MAGI2: variants seen among roughly 807,000 people sequenced by gnomAD.
MAGI2 encodes the protein membrane-associated guanylate kinase, WW and PDZ domain-containing protein 2.
In MAGI2, 35 loss-of-function variants were observed where a neutral mutation model predicts 133.3. That is an observed-to-expected ratio of 0.26 (90% CI 0.20 to 0.35). The LOEUF is 0.35. Among genes scored for constraint, MAGI2 ranks in the 10% least tolerant of loss-of-function variants. The pLI is 1.00. For synonymous variants in MAGI2, 729 were observed against 710.6 expected, an observed-to-expected ratio of 1.03 and a Z score of -0.41; for missense variants, 1,636 against 1,863.4, an observed-to-expected ratio of 0.88 and a Z score of 2.25.
At chr7:78,350,371 A>G (rs1473324906) in intron 7 of MAGI2, 10 of 152,226 alleles carry the variant, frequency 6.6e-5, no homozygotes, top group Non-Finnish European at 1.3e-4. Context: ...GGGCTACCCT[A>G]AATCAACTGA....
At chr7:78,109,022 G>A (rs1323129585) in intron 20 of MAGI2, among the ~76,000 whole-genome samples, 1 of 151,810 alleles carries the variant, frequency 6.6e-6, no homozygotes, top group South Asian at 2.1e-4. Flanking sequence ...AAGAAAATCC[G>A]GGCTGGGCGC....
chr7:78,776,072 A>C (rs1825963552), intron 2 of MAGI2, among the ~76,000 whole-genome samples: 2 of 152,328 alleles, frequency 1.3e-5, no homozygotes, highest in Non-Finnish European at 1.5e-5. Context: ...CAGTTTCCAC[A>C]CCTATCTTGT....
chr7:78,063,455 T>C, intron 21 of MAGI2, among the ~76,000 whole-genome samples: 1 of 152,178 alleles, frequency 6.6e-6, no homozygotes, highest in Non-Finnish European at 1.5e-5. Context: ...TTGCCCAGGC[T>C]AGTCTCAATC....
intron 2 of MAGI2, among the ~76,000 whole-genome samples, chr7:78,722,077 T>C (rs1290164425): frequency 6.6e-6 from 1 of 151,178 alleles, no homozygotes; most frequent in Non-Finnish European, 1.5e-5. Context: ...CCATAAAAGG[T>C]ATGACTCTTT....
chr7:78,390,107 A>T (rs1795760455), intron 6 of MAGI2, among the ~76,000 whole-genome samples: 1 of 152,202 alleles, frequency 6.6e-6, no homozygotes, highest in Non-Finnish European at 1.5e-5. Flanking sequence ...TTTATATTTG[A>T]CATCTGGACA....
In MAGI2 at chr7:79,320,740, T is replaced by G. The variant is rs184591208; in HGVS notation, c.301+132280A>C. 2.6e-5 allele frequency among the ~76,000 whole-genome samples: 4 copies of G among 152,268 alleles called. No individual in the cohort carries two copies. In the East Asian group the frequency reaches 5.8e-4, roughly 22 times the overall value. On this transcript the variant is annotated intron_variant, in intron 1 of 21. Coordinates refer to ENST00000354212, the MANE Select transcript of MAGI2 (RefSeq NM_012301.4). The stretch of plus-strand genomic sequence containing the variant: ...TTCTTTATTTTTTTAATTTCAAATG[T>G]TGCAGGCCAAATATCATGTATCCAT...
At chr7:78,641,231 G>A (rs1810271340) in intron 2 of MAGI2, among the ~76,000 whole-genome samples, 2 of 152,052 alleles carry the variant, frequency 1.3e-5, no homozygotes, top group East Asian at 3.9e-4. Flanking sequence ...TGTAAGAATG[G>A]ACTAATATAG....
chr7:78,161,294 T>A (rs1824950245), intron 15 of MAGI2, among the ~76,000 whole-genome samples: 1 of 152,124 alleles, frequency 6.6e-6, no homozygotes, highest in African/African-American at 2.4e-5. Flanking sequence ...CAGAAAGAAT[T>A]TCGTCATTTT....
In MAGI2 at chr7:78,237,651, A is replaced by AT. The variant is rs927207382; in HGVS notation, c.2047+18291dup. On this transcript the variant is annotated intron_variant, in intron 10 of 21. Coordinates refer to ENST00000354212, the MANE Select transcript of MAGI2 (RefSeq NM_012301.4). ...ACAAATAGGAATATTAGTTCTTTTT[A>AT]TTTTTTTTATGGATTTCTCAGTGCA... Among the ~76,000 whole-genome samples the AT allele has an allele frequency of 6.6e-5, 10 of 152,000 alleles. No homozygotes were observed. In the East Asian group the frequency reaches 1.5e-3, roughly 24 times the overall value.
chr7:79,189,159 C>CT (rs1482347891), intron 1 of MAGI2, among the ~76,000 whole-genome samples: 1 of 151,460 alleles, frequency 6.6e-6, no homozygotes, highest in Non-Finnish European at 1.5e-5. Context: ...CTAGATATTT[C>CT]TTTTTAGTAA....
At chr7:78,333,128 C>T (rs944860174) in intron 9 of MAGI2, among the ~76,000 whole-genome samples, 2 of 152,096 alleles carry the variant, frequency 1.3e-5, no homozygotes, top group Non-Finnish European at 2.9e-5. Context: ...TTCCTATAAC[C>T]ACTTCCTTTA....
Position 78,343,887 on chromosome 7 carries a change from G to A in MAGI2, c.1299C>T (p.Asn433=). 1 of 1,613,336 alleles carries A rather than the reference G, an allele frequency of 6.2e-7. No homozygotes were observed. The part of the protein sequence containing the change: ...TFLSTTLKKS[N]MGFGFTIIGG... ...CAATGATGGTAAATCCAAAGCCCAT[G>A]TTGCTCTTTTTTAGGGTGGTGCTGA... The change falls in exon 9 of 22, where the codon AAC becomes AAT. Residue 433 remains asparagine (N), a synonymous_variant. Transcript: ENST00000354212.
chr7:78,653,281 C>G (rs1811773676), intron 2 of MAGI2, among the ~76,000 whole-genome samples: 1 of 152,190 alleles, frequency 6.6e-6, no homozygotes, highest in Admixed American at 6.5e-5. Context: ...AATCCCATTA[C>G]TGGGTATAAA....
chr7:78,396,384 T>TC (rs948721777), intron 6 of MAGI2, among the ~76,000 whole-genome samples: 43 of 152,272 alleles, frequency 2.8e-4, no homozygotes, highest in African/African-American at 1.0e-3. Context: ...CTGGTTTTTT[T>TC]CCTTTGTGTT....
At chr7:78,739,792 A>G (rs1822215618) in intron 2 of MAGI2, among the ~76,000 whole-genome samples, 1 of 152,100 alleles carries the variant, frequency 6.6e-6, no homozygotes, top group African/African-American at 2.4e-5. Context: ...TAAAACTGAC[A>G]ATGAACTTGA....
intron 15 of MAGI2, among the ~76,000 whole-genome samples, chr7:78,160,882 A>G (rs796235744): frequency 2.2e-4 from 34 of 152,362 alleles, no homozygotes; most frequent in African/African-American, 7.5e-4. Flanking sequence ...GTTCTATTTT[A>G]TAATATTCTG....
chr7:78,399,251 C>A (rs1796630177), intron 6 of MAGI2, among the ~76,000 whole-genome samples: 1 of 151,952 alleles, frequency 6.6e-6, no homozygotes, highest in Non-Finnish European at 1.5e-5. Flanking sequence ...CGGGTGTGTG[C>A]ACACACACAC....
In MAGI2 at chr7:78,329,737, A is replaced by C. The variant is rs528191453; in HGVS notation, c.1408+14041T>G. ...TGGAGAGATCATTATTAAACAAATG[A>C]AGATTAGGTTACTGATCTGTAAAAC... On this transcript the variant is annotated intron_variant, in intron 9 of 21. Coordinates refer to ENST00000354212, the MANE Select transcript of MAGI2 (RefSeq NM_012301.4). 3.3e-5 allele frequency among the ~76,000 whole-genome samples: 5 copies of C among 152,324 alleles called. No individual in the cohort carries two copies. In the South Asian group the frequency reaches 1.0e-3, roughly 32 times the overall value.
intron 3 of MAGI2, among the ~76,000 whole-genome samples, chr7:78,581,737 C>G (rs921925142): frequency 6.6e-6 from 1 of 152,088 alleles, no homozygotes; most frequent in African/African-American, 2.4e-5. Flanking sequence ...GACACAGAAG[C>G]TTACATAAGG....
Sources: gnomAD v4.1 joint callset for allele counts (sites outside exome capture counted in the v4.1 genomes callset) on GRCh38, gnomAD v4.1.1 for gene constraint, MANE v1.5 for transcripts, NCBI Gene and HGNC (gene_info 2026-07-23, HGNC 2026-07-21) for gene names.